The following SYNDIG1 variants were observed in gnomAD, a reference collection of about 807,000 sequenced individuals.
The protein encoded by SYNDIG1 is synapse differentiation-inducing gene protein 1.
SYNDIG1 carries 9 observed loss-of-function variants against 19.4 expected under a neutral mutation model. The ratio of observed to expected loss-of-function variants is 0.46; its 90% confidence interval spans 0.28 to 0.81. SYNDIG1 has a LOEUF of 0.81. Among genes scored for constraint, SYNDIG1 ranks in the 30% least tolerant of loss-of-function variants. The pLI is 0.12. For missense variants in SYNDIG1, 311 were observed against 343.3 expected, an observed-to-expected ratio of 0.91 and a Z score of 0.74; for synonymous variants, 141 against 145.9, an observed-to-expected ratio of 0.97 and a Z score of 0.24.
chr20:24,571,932 A>T (rs1197775541), intron 2 of SYNDIG1, among the ~76,000 whole-genome samples: 1 of 152,236 alleles, frequency 6.6e-6, no homozygotes, highest in Non-Finnish European at 1.5e-5. Context: ...ACCCAAAAAA[A>T]TTATCAAAGA....
chr20:24,563,569 G>A (rs2057985221), intron 2 of SYNDIG1, among the ~76,000 whole-genome samples: 1 of 151,956 alleles, frequency 6.6e-6, no homozygotes, highest in South Asian at 2.1e-4. Flanking sequence ...TCCCACACAG[G>A]GTTAAATTTC....
intron 2 of SYNDIG1, among the ~76,000 whole-genome samples, chr20:24,583,502 GA>G (rs1346711754): frequency 6.6e-6 from 1 of 152,222 alleles, no homozygotes; most frequent in East Asian, 1.9e-4. Flanking sequence ...ACAATATCTG[GA>G]ATAAGATGGG....
In SYNDIG1 at chr20:24,646,497, G is replaced by C. The variant is rs1277903659; in HGVS notation, c.619-18849G>C. Among the ~76,000 whole-genome samples, 12 of 152,162 alleles carry C rather than the reference G, an allele frequency of 7.9e-5. No homozygotes were observed. The East Asian group carries it at 2.3e-3, about 29-fold the overall frequency. On this transcript the variant is annotated intron_variant, in intron 3 of 3. Coordinates refer to ENST00000376862, the MANE Select transcript of SYNDIG1 (RefSeq NM_024893.3). ...CTTCGACAGCTGCCTGTTAGAAAGA[G>C]CCTGGCACACCCCACTTCCTCTCTC...
At chr20:24,630,287 T>A (rs2059220730) in intron 3 of SYNDIG1, among the ~76,000 whole-genome samples, 1 of 152,140 alleles carries the variant, frequency 6.6e-6, no homozygotes, top group South Asian at 2.1e-4. Flanking sequence ...CCCCTGGGGA[T>A]TGACCGGGAC....
chr20:24,626,251 C>T (rs1300525202), intron 3 of SYNDIG1, among the ~76,000 whole-genome samples: 1 of 150,750 alleles, frequency 6.6e-6, no homozygotes, highest in Non-Finnish European at 1.5e-5. Context: ...GGGTGGCTGC[C>T]GGGCGGAGAT....
intron 1 of SYNDIG1, among the ~76,000 whole-genome samples, chr20:24,487,309 G>C (rs1568575635): frequency 1.3e-5 from 2 of 152,080 alleles, no homozygotes; most frequent in Non-Finnish European, 2.9e-5. Context: ...TAAACATTTG[G>C]AGGTAGAAAA....
intron 2 of SYNDIG1, among the ~76,000 whole-genome samples, chr20:24,557,135 G>A (rs763850787): frequency 5.2e-4 from 79 of 152,008 alleles, no homozygotes; most frequent in African/African-American, 1.8e-3. Context: ...TGTAGTTCTC[G>A]AGCCTTGGCT....
chr20:24,586,501 G>T (rs748502444), intron 3 of SYNDIG1, among the ~76,000 whole-genome samples: 1 of 152,180 alleles, frequency 6.6e-6, no homozygotes, highest in Non-Finnish European at 1.5e-5. Context: ...ATGGGTGTGG[G>T]CACAGGCCCA....
intron 3 of SYNDIG1, among the ~76,000 whole-genome samples, chr20:24,608,109 A>C (rs2058786169): frequency 6.6e-6 from 1 of 152,164 alleles, no homozygotes. Context: ...AATTATAAAG[A>C]TATGATCTAT....
At chr20:24,494,369 G>A (rs2056240798) in intron 1 of SYNDIG1, among the ~76,000 whole-genome samples, 1 of 152,194 alleles carries the variant, frequency 6.6e-6, no homozygotes, top group Non-Finnish European at 1.5e-5. Flanking sequence ...GGGTCCGAGG[G>A]TGACTGTGGG....
intron 3 of SYNDIG1, among the ~76,000 whole-genome samples, chr20:24,622,679 T>C (rs1330758271): frequency 6.6e-6 from 1 of 152,196 alleles, no homozygotes; most frequent in African/African-American, 2.4e-5. Context: ...CACTGATCCG[T>C]GGAAAAATTG....
intron 1 of SYNDIG1, among the ~76,000 whole-genome samples, chr20:24,487,037 C>T (rs1476176600): frequency 2.7e-5 from 4 of 146,180 alleles, no homozygotes; most frequent in African/African-American, 1.0e-4. Flanking sequence ...CGGGGAATCA[C>T]GGGCCAAGGT....
chr20:24,597,483 A>G (rs529885828), intron 3 of SYNDIG1, among the ~76,000 whole-genome samples: 73 of 152,134 alleles, frequency 4.8e-4, no homozygotes, highest in African/African-American at 1.7e-3. Context: ...CTGCATTTAC[A>G]CAGACTCACT....
rs565455129 is a variant in SYNDIG1 at position 24,627,686 on chromosome 20, A to G, written c.619-37660A>G. Among the ~76,000 whole-genome samples, 19 of 152,390 alleles carry G rather than the reference A, an allele frequency of 1.2e-4. No individual in the cohort carries two copies. The East Asian group carries it at 3.3e-3, about 26-fold the overall frequency. On this transcript the variant is annotated intron_variant, in intron 3 of 3. Transcript: ENST00000376862. ...TTCCCAGTCTCAGAAATGTCCATCA[A>G]TCAATTCTCAGCAACAACAAAATGC...
At position 24,583,794 on chromosome 20, in the gene SYNDIG1, T is replaced by C. The variant is rs538916140; in HGVS notation, c.481-1062T>C. On this transcript the variant is annotated intron_variant, in intron 2 of 3. Transcript: ENST00000376862. ...AATTACTATGGAATCGCAAACCACA[T>C]ACCCCATGTTCTCACTTGTAAGTGG... Among the ~76,000 whole-genome samples, 7 of 152,238 alleles carry C rather than the reference T, an allele frequency of 4.6e-5. No individual in the cohort carries two copies. The East Asian group carries it at 9.7e-4, about 21-fold the overall frequency.
At chr20:24,478,137 G>A (rs930171042) in intron 1 of SYNDIG1, among the ~76,000 whole-genome samples, 2 of 152,250 alleles carry the variant, frequency 1.3e-5, no homozygotes, top group African/African-American at 4.8e-5. Context: ...ACAATTGTGA[G>A]GAAATAAAGG....
chr20:24,560,694 CTTTTT>C (rs10658853), intron 2 of SYNDIG1, among the ~76,000 whole-genome samples: 1 of 113,822 alleles, frequency 8.8e-6, no homozygotes, highest in Non-Finnish European at 1.8e-5. Context: ...CTGTTGACTA[CTTTTT>C]TTTTTTTTTT....
At chr20:24,608,719 G>A (rs1568681777) in intron 3 of SYNDIG1, among the ~76,000 whole-genome samples, 1 of 152,172 alleles carries the variant, frequency 6.6e-6, no homozygotes, top group Non-Finnish European at 1.5e-5. Context: ...CCACAAATAA[G>A]GCAACAAGTA....
intron 3 of SYNDIG1, among the ~76,000 whole-genome samples, chr20:24,591,376 A>G (rs1423675766): frequency 3.9e-5 from 6 of 152,146 alleles, no homozygotes; most frequent in Admixed American, 3.9e-4. Flanking sequence ...CCTGAGTGAC[A>G]GAATGGGACC....
Sources: allele counts gnomAD v4.1 joint callset (sites outside exome capture counted in the v4.1 genomes callset), GRCh38; gene constraint gnomAD v4.1.1; transcripts MANE v1.5; gene names NCBI Gene and HGNC (gene_info 2026-07-23, HGNC 2026-07-21).